The following EI24 variants were observed in gnomAD, a reference collection of about 807,000 sequenced individuals.
EI24 encodes the protein etoposide-induced protein 2.4 homolog.
In EI24, 21 loss-of-function variants were observed where a neutral mutation model predicts 48.6. The observed-to-expected ratio is 0.43, with a 90% CI of 0.31 to 0.62. The LOEUF (loss-of-function observed/expected upper bound fraction) is 0.62, where lower values mean the gene tolerates loss of function less well. Ranked by LOEUF, EI24 falls within the 20% of genes least tolerant of loss-of-function variation. The pLI, the probability that EI24 is intolerant of heterozygous loss-of-function variation, is 0.10. For synonymous variants in EI24, 114 were observed against 145.5 expected (o/e 0.78, Z 1.56); for missense variants, 280 against 410.5 (o/e 0.68, Z 2.75).
In EI24 at chr11:125,575,166, G is replaced by A. The variant is rs111531756; in HGVS notation, c.43-97G>A. The A allele has an allele frequency of 9.2e-4, 1,039 of 1,133,286 alleles. 6 individuals carry two copies. In the African/African-American group the frequency reaches 0.014, roughly 15 times the overall value. The allele number at this position is 1,133,286 out of a possible 1,614,324, so 70.2% of individuals were successfully genotyped here. ...CATTTGAACCCAGGAGTTGGAGGCT[G>A]CAGTGAGCTATGATTGAGTCACTGC... is the stretch of plus-strand genomic sequence containing the variant. On this transcript the variant is annotated intron_variant, in intron 2 of 10. Transcript: ENST00000278903.
Position 125,581,323 on chromosome 11 carries a change from G to C in EI24, c.785+1G>C. The C allele has an allele frequency of 6.3e-7, 1 of 1,588,678 alleles. No homozygotes were observed. Among genetic ancestry groups the C allele is most frequent in the Non-Finnish European group, 8.6e-7 (1 of 1,162,104 alleles). ...CAATGCAGTCCTCATATATTATCAGGTAATTTGGCTACAGGGATTTGAAGG... is the reference window on the plus strand; with the variant it reads ...CAATGCAGTCCTCATATATTATCAGCTAATTTGGCTACAGGGATTTGAAGG... On this transcript the variant is annotated splice_donor_variant, in intron 9 of 10. Transcript: ENST00000278903. LOFTEE classifies it high-confidence loss of function.
At chr11:125,577,707 T>A in intron 5 of EI24, 137 bp downstream of exon 5, 1 of 739,898 alleles carries the variant, frequency 1.4e-6, no homozygotes, top group Non-Finnish European at 2.1e-6. Flanking sequence ...TTATTCTTTT[T>A]AAAAATTTAT....
Position 125,577,530 on chromosome 11 carries a change from ATT to A in EI24, c.278_279del (p.Phe93TyrfsTer14). 1 of 1,613,804 alleles carries A rather than the reference ATT, an allele frequency of 6.2e-7. No individual in the cohort carries two copies. Among genetic ancestry groups the A allele is most frequent in the Non-Finnish European group, 8.5e-7 (1 of 1,179,836 alleles). On this transcript the variant is annotated frameshift_variant, in exon 5 of 11. Coordinates refer to ENST00000278903, the MANE Select transcript of EI24 (RefSeq NM_004879.5). LOFTEE classifies it high-confidence loss of function. ...WFSLLLFYRV[F>X]IPVLQSVTAR... ...TCAGTCTCCTCTTGTTTTATCGAGT[ATT>A]TATTCCTGTGCTTCAGTCGGTAACA...
intron 1 of EI24, among the ~76,000 whole-genome samples, chr11:125,571,838 T>C (rs1211100851): frequency 1.3e-5 from 2 of 152,134 alleles, no homozygotes; most frequent in African/African-American, 4.8e-5. Context: ...AGCCCAGTGT[T>C]GCACTCCAGC....
At chr11:125,580,593 C>T (rs1368139181) in intron 8 of EI24, among the ~76,000 whole-genome samples, 3 of 151,444 alleles carry the variant, frequency 2.0e-5, no homozygotes, top group Non-Finnish European at 3.0e-5. Context: ...CTGATACTTA[C>T]AGGATGGCAT....
At chr11:125,581,345 A>C (rs185401088) in intron 9 of EI24, 23 bp downstream of exon 9, 2 of 1,488,746 alleles carry the variant, frequency 1.3e-6, no homozygotes, top group Admixed American at 3.5e-5. Flanking sequence ...CAGGGATTTG[A>C]AGGAGACTAG....
intron 9 of EI24, 147 bp downstream of exon 9, chr11:125,581,469 T>C (rs1938990031): frequency 2.2e-6 from 1 of 446,084 alleles, no homozygotes; most frequent in Non-Finnish European, 4.1e-6. Context: ...TTTGTTAGCA[T>C]GAAGATCTAG....
intron 1 of EI24, among the ~76,000 whole-genome samples, chr11:125,571,943 A>C (rs938447079): frequency 6.6e-6 from 1 of 152,206 alleles, no homozygotes; most frequent in African/African-American, 2.4e-5. Flanking sequence ...GTCATACCTT[A>C]AACTTTACTG....
At chr11:125,583,477 T>C in intron 10 of EI24, 44 bp from the exon 11 acceptor site, 2 of 1,474,270 alleles carry the variant, frequency 1.4e-6, no homozygotes, top group African/African-American at 1.4e-5. Flanking sequence ...GGAAATAATT[T>C]TGAGTAACTG....
intron 3 of EI24, 95 bp from the exon 4 acceptor site, chr11:125,576,160 A>G (rs1284046885): frequency 8.4e-7 from 1 of 1,192,724 alleles, no homozygotes; most frequent in Non-Finnish European, 1.2e-6. Context: ...AAAATAATAC[A>G]GTACCCACAA....
chr11:125,573,882 A>G (rs758049516), intron 2 of EI24, among the ~76,000 whole-genome samples: 7 of 151,618 alleles, frequency 4.6e-5, no homozygotes, highest in Non-Finnish European at 8.8e-5. Context: ...GAGTTTCACC[A>G]TGTTGGCCAG....
chr11:125,581,143 C>A (rs1242574971), intron 8 of EI24, 68 bp from the exon 9 acceptor site: 1 of 830,362 alleles, frequency 1.2e-6, no homozygotes, highest in Non-Finnish European at 1.9e-6. Context: ...GGTTTGTCTA[C>A]CATAGTTACT....
intron 9 of EI24, among the ~76,000 whole-genome samples, chr11:125,581,806 C>T (rs1939015310): frequency 6.6e-6 from 1 of 151,908 alleles, no homozygotes; most frequent in Non-Finnish European, 1.5e-5. Context: ...CTTGGCCTCC[C>T]AAAGTGCTCA....
Position 125,583,790 on chromosome 11 carries a change from G to GGCCCTCTGC in EI24, c.*109_*117dup, listed in dbSNP as rs1394830991. ...GGAAGGCAGGACCCGCTCTGCCAAG[G>GGCCCTCTGC]GCCCTCTGCGTATTCCCTTCTCTCT... On this transcript the variant is annotated 3_prime_UTR_variant, in exon 11 of 11. Coordinates refer to ENST00000278903, the MANE Select transcript of EI24 (RefSeq NM_004879.5). 3 of 1,466,056 alleles carry GGCCCTCTGC rather than the reference G, an allele frequency of 2.0e-6. No individual in the cohort carries two copies. In the Admixed American group the frequency reaches 6.0e-5, roughly 29 times the overall value. 90.8% of individuals were successfully genotyped at this position (1,466,056 alleles called of 1,614,324 possible). A position where few individuals can be genotyped will look rare whatever the true frequency, so the allele number is the denominator to read the frequency against.
chr11:125,569,828 T>G, intron 1 of EI24: 1 of 236,882 alleles, frequency 4.2e-6, no homozygotes, highest in Non-Finnish European at 8.1e-6. Context: ...GCGTGATCCG[T>G]ACCTCGTGCA....
intron 7 of EI24, 27 bp downstream of exon 7, chr11:125,579,095 G>T: frequency 1.3e-6 from 2 of 1,543,684 alleles, no homozygotes; most frequent in South Asian, 1.2e-5. Flanking sequence ...GGGCATATGG[G>T]CAGCTTTATT....
rs575869881 is a variant in EI24, at chr11:125,579,077, G to A, written c.561+9G>A. 9.6e-6 allele frequency: 15 copies of A among 1,556,736 alleles called. No homozygotes were observed. In the African/African-American group the frequency reaches 1.9e-4, roughly 20 times the overall value. On this transcript the variant is annotated intron_variant, in intron 7 of 10. Coordinates refer to ENST00000278903, the MANE Select transcript of EI24 (RefSeq NM_004879.5). ...CTCTTTTCCTCATTCAGGTGAGACTGACCTTCTGGGCATATGGGCAGCTTT... is the reference window on the plus strand; with the variant it reads ...CTCTTTTCCTCATTCAGGTGAGACTAACCTTCTGGGCATATGGGCAGCTTT...
chr11:125,576,424 G>A, intron 4 of EI24, 109 bp downstream of exon 4: 2 of 966,676 alleles, frequency 2.1e-6, no homozygotes, highest in Non-Finnish European at 3.2e-6. Flanking sequence ...TTCATCTGCT[G>A]ATGTACACTT....
intron 1 of EI24, among the ~76,000 whole-genome samples, chr11:125,571,903 C>G (rs947282157): frequency 6.6e-6 from 1 of 151,998 alleles, no homozygotes; most frequent in East Asian, 1.9e-4. Flanking sequence ...TAAAAAAGAC[C>G]TATTTGGAGG....
Sources: allele counts gnomAD v4.1 joint callset (sites outside exome capture counted in the v4.1 genomes callset), GRCh38; gene constraint gnomAD v4.1.1; transcripts MANE v1.5; gene names NCBI Gene and HGNC (gene_info 2026-07-23, HGNC 2026-07-21).